The following CALM2 variants were observed in gnomAD, a reference collection of about 807,000 sequenced individuals.
CALM2 encodes calmodulin 2.
In CALM2, 2 loss-of-function variants were observed where a neutral mutation model predicts 19.8. The ratio of observed to expected loss-of-function variants is 0.10; its 90% confidence interval spans 0.04 to 0.32. CALM2 has a LOEUF of 0.32. CALM2 is among the 10% of genes least tolerant of loss of function. The pLI, the probability that CALM2 is intolerant of heterozygous loss-of-function variation, is 1.00. For missense variants in CALM2, 38 were observed against 178.7 expected (o/e 0.21, Z 4.49); for synonymous variants, 51 against 52.1 (o/e 0.98, Z 0.09).
At chr2:47,169,759 C>A (rs1205558769) in intron 2 of CALM2, among the ~76,000 whole-genome samples, 1 of 152,098 alleles carries the variant, frequency 6.6e-6, no homozygotes, top group Non-Finnish European at 1.5e-5. Flanking sequence ...AAGTGGGGAG[C>A]TTGCTTTAAA....
At chr2:47,176,165 C>G in intron 1 of CALM2, 1 of 501,330 alleles carries the variant, frequency 2.0e-6, no homozygotes, top group Non-Finnish European at 3.6e-6. Flanking sequence ...CATCCCGGAC[C>G]CATCCTCCTC....
chr2:47,167,817 T>TTTTTTTTTTTTTTTTTTTTTTTTG lies in CALM2; in HGVS notation c.34+2916_34+2917insCAAAAAAAAAAAAAAAAAAAAAAA, dbSNP rs70940664. ...AAAAAAAATTTTTTTTTCTTTTCTT[T>TTTTTTTTTTTTTTTTTTTTTTTTG]GAGACAGGGTCTTGCTGTGTTGCCC... On this transcript the variant is annotated intron_variant, in intron 2 of 5. Transcript: ENST00000272298. 2 of 142,976 alleles carry TTTTTTTTTTTTTTTTTTTTTTTTG rather than the reference T, an allele frequency of 1.4e-5. 1 individual carries two copies. Among genetic ancestry groups the TTTTTTTTTTTTTTTTTTTTTTTTG allele is most frequent in the Admixed American group, 1.4e-4 (2 of 14,354 alleles). 8.9% of individuals were successfully genotyped at this position (142,976 alleles called of 1,614,324 possible).
chr2:47,174,223 T>A (rs1239317463), intron 1 of CALM2: 1 of 152,222 alleles, frequency 6.6e-6, no homozygotes, highest in East Asian at 1.9e-4. Context: ...TACTTCCGTA[T>A]AAAATTTTTT....
At chr2:47,166,051 A>G (rs1302580937) in intron 2 of CALM2, among the ~76,000 whole-genome samples, 1 of 152,226 alleles carries the variant, frequency 6.6e-6, no homozygotes, top group Non-Finnish European at 1.5e-5. Flanking sequence ...AATACCAATC[A>G]GAAGGTTCAT....
intron 2 of CALM2, among the ~76,000 whole-genome samples, chr2:47,165,530 A>G (rs1666437370): frequency 6.6e-6 from 1 of 152,200 alleles, no homozygotes; most frequent in Non-Finnish European, 1.5e-5. Flanking sequence ...ACTGCATGGA[A>G]AAACTCTCAA....
Position 47,176,480 on chromosome 2 carries a change from C to G in CALM2, c.-37G>C. Reference sequence around the variant, plus strand: ...TACCGGTTTCCGAGACGCGACCACACAACCACTCAGCTCGCTCTCTCCACT... The same window carrying G: ...TACCGGTTTCCGAGACGCGACCACAGAACCACTCAGCTCGCTCTCTCCACT... On this transcript the variant is annotated 5_prime_UTR_variant, in exon 1 of 6. Coordinates refer to ENST00000272298, the MANE Select transcript of CALM2 (RefSeq NM_001743.6). 1 of 1,613,724 alleles carries G rather than the reference C, an allele frequency of 6.2e-7. No individual in the cohort carries two copies. Among genetic ancestry groups the G allele is most frequent in the Non-Finnish European group, 8.5e-7 (1 of 1,179,928 alleles).
chr2:47,162,201 C>CAAAAAAAAAAAAAAAAA (rs1553431766), intron 4 of CALM2, 85 bp downstream of exon 4: 1 of 130,862 alleles, frequency 7.6e-6, no homozygotes, highest in Non-Finnish European at 1.3e-5. Flanking sequence ...AAAAAAAAAA[C>CAAAAAAAAAAAAAAAAA]AACCAAAAAA....
chr2:47,176,177 A>T (rs1420045209), intron 1 of CALM2: 1 of 509,532 alleles, frequency 2.0e-6, no homozygotes, highest in Non-Finnish European at 3.5e-6. Context: ...ATCCTCCTCC[A>T]GCCAAGCCCC....
At chr2:47,176,517 G>T (rs776582502), upstream of CALM2, 1 of 1,597,906 alleles carries the variant, frequency 6.3e-7, no homozygotes, top group Non-Finnish European at 8.5e-7. Context: ...GGACTAATTC[G>T]CCTCCTCCGC....
At chr2:47,167,581 C>G (rs191148332) in intron 2 of CALM2, 3 of 162,544 alleles carry the variant, frequency 1.8e-5, no homozygotes, top group Admixed American at 6.3e-5. Flanking sequence ...GTAATCCCAG[C>G]TACTTGGGAG....
chr2:47,173,515 T>G (rs538268134), intron 1 of CALM2: 4 of 152,256 alleles, frequency 2.6e-5, no homozygotes, highest in Non-Finnish European at 4.4e-5. Context: ...CCATAGGTGA[T>G]CTGTCAACAC....
rs1363566374 is a variant in CALM2 at position 47,160,713 on chromosome 2, A to G, written c.*63T>C. The G allele has an allele frequency of 1.0e-6, 1 of 958,816 alleles. No homozygotes were observed. The highest frequency in any genetic ancestry group is 1.5e-6 in the Non-Finnish European group (1 of 652,410). 59.4% of individuals were successfully genotyped at this position (958,816 alleles called of 1,614,324 possible). The stretch of plus-strand genomic sequence containing the variant: ...GAGAAACCTTTTACAGATAAGTTAC[A>G]AACAAAGAAAAGGCAAATAAACAAT... On this transcript the variant is annotated 3_prime_UTR_variant, in exon 6 of 6. Transcript: ENST00000272298.
chr2:47,164,239 A>G (rs1666376610), intron 2 of CALM2, among the ~76,000 whole-genome samples: 1 of 75,330 alleles, frequency 1.3e-5, no homozygotes, highest in African/African-American at 3.1e-5. Context: ...CTCCGTCTCA[A>G]AAAAAAAAAA....
chr2:47,174,748 TA>T (rs1263071253), intron 1 of CALM2, among the ~76,000 whole-genome samples: 1 of 152,024 alleles, frequency 6.6e-6, no homozygotes, highest in Non-Finnish European at 1.5e-5. Flanking sequence ...ACCCTTCGTT[TA>T]TTTAAAAAAA....
chr2:47,162,743 G>T, intron 2 of CALM2, 81 bp from the exon 3 acceptor site: 1 of 1,193,624 alleles, frequency 8.4e-7, no homozygotes, highest in Non-Finnish European at 1.2e-6. Context: ...AACTCTTAAA[G>T]CCTACTCAGT....
Position 47,161,713 on chromosome 2 carries a change from A to C in CALM2, c.421+10T>G, listed in dbSNP as rs1193912501. 1.0e-5 allele frequency: 16 copies of C among 1,606,496 alleles called. No homozygotes were observed. The highest frequency in any genetic ancestry group is 1.4e-5 in the Non-Finnish European group (16 of 1,177,534). On this transcript the variant is annotated intron_variant, in intron 5 of 5. Coordinates refer to ENST00000272298, the MANE Select transcript of CALM2 (RefSeq NM_001743.6). The stretch of plus-strand genomic sequence containing the variant: ...AAGTGAAGAATGAGGCGTGAGACTG[A>C]AACATTTACCTTCATAGTTTACTTG...
chr2:47,175,097 T>TTTTTTTTTTTTTTTTCC (rs751897252), intron 1 of CALM2, among the ~76,000 whole-genome samples: 1 of 126,630 alleles, frequency 7.9e-6, no homozygotes, highest in African/African-American at 3.9e-5. Flanking sequence ...TTTTTTTTTT[T>TTTTTTTTTTTTTTTTCC]TCAGGAAAGA....
intron 1 of CALM2, chr2:47,176,178 G>A (rs887175051): frequency 7.9e-6 from 4 of 508,216 alleles, no homozygotes; most frequent in African/African-American, 3.9e-5. Flanking sequence ...TCCTCCTCCA[G>A]CCAAGCCCCC....
chr2:47,172,204 GC>G, intron 1 of CALM2: 1 of 278,372 alleles, frequency 3.6e-6, no homozygotes. Context: ...ATTAATAGAA[GC>G]TACATTACTT....
Sources: allele counts gnomAD v4.1 joint callset (sites outside exome capture counted in the v4.1 genomes callset), GRCh38; gene constraint gnomAD v4.1.1; transcripts MANE v1.5; gene names NCBI Gene and HGNC (gene_info 2026-07-23, HGNC 2026-07-21).